DAB1: variants seen among roughly 807,000 people sequenced by gnomAD.
The protein encoded by DAB1 is DAB adaptor protein 1, also known as disabled homolog 1.
A neutral mutation model predicts 64.6 loss-of-function variants in DAB1; 15 were observed. The ratio of observed to expected loss-of-function variants is 0.23; its 90% confidence interval spans 0.16 to 0.36. DAB1 has a LOEUF of 0.36. Ranked by LOEUF, DAB1 falls within the 10% of genes least tolerant of loss-of-function variation. The pLI, the probability that DAB1 is intolerant of heterozygous loss-of-function variation, is 1.00. For missense variants in DAB1, 596 were observed against 706.7 expected (o/e 0.84, Z 1.78); for synonymous variants, 235 against 251.9 (o/e 0.93, Z 0.64).
At chr1:57,000,286 C>T (rs1047370190) in intron 14 of DAB1, among the ~76,000 whole-genome samples, 5 of 151,962 alleles carry the variant, frequency 3.3e-5, no homozygotes, top group Non-Finnish European at 5.9e-5. Flanking sequence ...CCTTGTGATC[C>T]GCCCACCTCG....
At chr1:57,444,009 C>T (rs1167464779) in intron 7 of DAB1, among the ~76,000 whole-genome samples, 1 of 152,178 alleles carries the variant, frequency 6.6e-6, no homozygotes, top group African/African-American at 2.4e-5. Context: ...GGCCTTCTAT[C>T]ATCTGCCCCA....
At chr1:58,422,447 G>A (rs1412879828) in intron 3 of DAB1, among the ~76,000 whole-genome samples, 2 of 151,876 alleles carry the variant, frequency 1.3e-5, no homozygotes, top group Non-Finnish European at 2.9e-5. Flanking sequence ...CAAGTTCAAG[G>A]TTTGGTTGTT....
chr1:57,034,172 C>T (rs1168400959), intron 9 of DAB1, among the ~76,000 whole-genome samples: 7 of 150,846 alleles, frequency 4.6e-5, no homozygotes, highest in African/African-American at 1.5e-4. Context: ...CCCAGCTACT[C>T]GGGAAGCTGA....
At chr1:57,110,789 T>A (rs898262074) in intron 4 of DAB1, among the ~76,000 whole-genome samples, 1 of 152,090 alleles carries the variant, frequency 6.6e-6, no homozygotes, top group Non-Finnish European at 1.5e-5. Context: ...CACCTTAGAA[T>A]AACCCTATGC....
At chr1:58,415,140 G>A (rs2100210896) in intron 3 of DAB1, among the ~76,000 whole-genome samples, 1 of 152,200 alleles carries the variant, frequency 6.6e-6, no homozygotes, top group Middle Eastern at 3.4e-3. Flanking sequence ...GGAAGAGGAA[G>A]ATCTGTCCCC....
intron 4 of DAB1, among the ~76,000 whole-genome samples, chr1:58,211,905 C>T (rs1658570204): frequency 6.6e-6 from 1 of 152,114 alleles, no homozygotes; most frequent in South Asian, 2.1e-4. Context: ...GACGCTCTGT[C>T]CTTGGGGATG....
chr1:58,394,215 C>T (rs978407431), intron 3 of DAB1, among the ~76,000 whole-genome samples: 1 of 152,090 alleles, frequency 6.6e-6, no homozygotes, highest in Non-Finnish European at 1.5e-5. Context: ...ACTGATAATT[C>T]CAAGTGTTGG....
chr1:57,522,845 T>A (rs553857673), intron 7 of DAB1, among the ~76,000 whole-genome samples: 164 of 152,350 alleles, frequency 1.1e-3, no homozygotes, highest in Non-Finnish European at 1.8e-3. Context: ...CTAGATTGGC[T>A]GAGTCTTCCG....
intron 5 of DAB1, among the ~76,000 whole-genome samples, chr1:58,078,341 C>T (rs2100587221): frequency 6.6e-6 from 1 of 152,268 alleles, no homozygotes; most frequent in Non-Finnish European, 1.5e-5. Flanking sequence ...ATCACTATAC[C>T]TGAGTTTCCA....
intron 4 of DAB1, among the ~76,000 whole-genome samples, chr1:58,287,842 T>C (rs1359944552): frequency 1.3e-5 from 2 of 151,798 alleles, no homozygotes; most frequent in Non-Finnish European, 2.9e-5. Flanking sequence ...ACCAACATTG[T>C]GAAACCTTGT....
intron 6 of DAB1, among the ~76,000 whole-genome samples, chr1:57,677,888 T>C (rs985489304): frequency 6.6e-6 from 1 of 152,180 alleles, no homozygotes; most frequent in African/African-American, 2.4e-5. Flanking sequence ...ACTAAATATT[T>C]GTCCACGGGT....
At chr1:57,805,230 G>A (rs1242544602) in intron 6 of DAB1, among the ~76,000 whole-genome samples, 1 of 152,106 alleles carries the variant, frequency 6.6e-6, no homozygotes, top group Non-Finnish European at 1.5e-5. Flanking sequence ...ATATCTGTCC[G>A]CAAGAGGCAT....
At position 58,288,035 on chromosome 1, in the gene DAB1, A is replaced by AG. The variant is rs1294569059; in HGVS notation, n.309+55316_309+55317insC. Among the ~76,000 whole-genome samples, 33 of 147,034 alleles carry AG rather than the reference A, an allele frequency of 2.2e-4. 2 individuals are homozygous for AG. Among genetic ancestry groups the AG allele is most frequent in the Admixed American group, 1.4e-3 (21 of 14,508 alleles). Reference sequence around the variant, plus strand: ...AGACTGCCTCAAAAAAAAAAAAAAAAAAAAAAAAAAGAAAAAAAAGAGCAG... The same window carrying AG: ...AGACTGCCTCAAAAAAAAAAAAAAAAGAAAAAAAAAAGAAAAAAAAGAGCAG... On this transcript the variant is annotated intron_variant and non_coding_transcript_variant, in intron 4 of 20. Transcript: ENST00000485760.
chr1:57,572,259 C>T (rs904533397), intron 7 of DAB1, among the ~76,000 whole-genome samples: 1 of 152,116 alleles, frequency 6.6e-6, no homozygotes, highest in Non-Finnish European at 1.5e-5. Flanking sequence ...AGTTTAAATC[C>T]CCGCCCCACT....
rs1438597856 is a variant in DAB1, at chr1:58,355,981, C to T, written n.258-12578G>A. On this transcript the variant is annotated intron_variant and non_coding_transcript_variant, in intron 3 of 20. Transcript: ENST00000485760. Reference sequence around the variant, plus strand: ...AATGCTTCACTTAGGTGGAGGACCACTCATTAGGGAGAGGAAGGAAAAACC... The same window carrying T: ...AATGCTTCACTTAGGTGGAGGACCATTCATTAGGGAGAGGAAGGAAAAACC... Among the ~76,000 whole-genome samples, 4 of 152,292 alleles carry T rather than the reference C, an allele frequency of 2.6e-5. No homozygotes were observed. In the South Asian group the frequency reaches 8.3e-4, roughly 32 times the overall value.
chr1:57,683,597 C>T (rs1428685213), intron 6 of DAB1, among the ~76,000 whole-genome samples: 3 of 152,304 alleles, frequency 2.0e-5, no homozygotes, highest in African/African-American at 7.2e-5. Context: ...AGCCTTTGCC[C>T]TCTAAGAGCA....
At chr1:57,956,681 C>T (rs937422427) in intron 5 of DAB1, among the ~76,000 whole-genome samples, 4 of 152,146 alleles carry the variant, frequency 2.6e-5, no homozygotes, top group African/African-American at 7.2e-5. Context: ...AGCTTCATTC[C>T]GACGGAGTTC....
At chr1:57,155,759 T>TC (rs1660155955) in intron 2 of DAB1, among the ~76,000 whole-genome samples, 1 of 151,600 alleles carries the variant, frequency 6.6e-6, no homozygotes, top group Non-Finnish European at 1.5e-5. Flanking sequence ...CTTTCTTTTT[T>TC]TTTTTTTTTG....
intron 2 of DAB1, among the ~76,000 whole-genome samples, chr1:57,196,747 G>A (rs577561158): frequency 2.0e-5 from 3 of 152,186 alleles, no homozygotes; most frequent in African/African-American, 4.8e-5. Context: ...GGAGGTATAC[G>A]ATAATAAGTG....
Sources: allele counts gnomAD v4.1 joint callset (sites outside exome capture counted in the v4.1 genomes callset), GRCh38; gene constraint gnomAD v4.1.1; transcripts MANE v1.5; gene names NCBI Gene and HGNC (gene_info 2026-07-23, HGNC 2026-07-21).